The following SYNE1 variants were observed in gnomAD, a reference collection of about 807,000 sequenced individuals.
The protein encoded by SYNE1 is spectrin repeat containing nuclear envelope protein 1.
A neutral mutation model predicts 1,111.0 loss-of-function variants in SYNE1; 616 were observed. The ratio of observed to expected loss-of-function variants is 0.55; its 90% CI spans 0.52 to 0.59. The LOEUF (loss-of-function observed/expected upper bound fraction) is 0.59, where lower values mean the gene tolerates loss of function less well. Ranked by LOEUF, SYNE1 falls within the 20% of genes least tolerant of loss-of-function variation. SYNE1 has a pLI of 0.00. For missense variants in SYNE1, 10,006 were observed against 10,417.0 expected (o/e 0.96, Z 1.72); for synonymous variants, 3,855 against 3,825.8 (o/e 1.01, Z -0.28).
intron 98 of SYNE1, among the ~76,000 whole-genome samples, chr6:152,276,214 T>C (rs571616366): frequency 3.9e-5 from 6 of 152,052 alleles, no homozygotes; most frequent in African/African-American, 1.4e-4. Context: ...TTTGTATTTT[T>C]AGTAGAGATG....
intron 70 of SYNE1, 56 bp from the exon 71 acceptor site, chr6:152,350,826 AC>A: frequency 1.2e-6 from 2 of 1,602,050 alleles, no homozygotes; most frequent in Non-Finnish European, 1.7e-6. Context: ...CAAGATGAAT[AC>A]ATACATATTC....
chr6:152,275,697 T>C lies in SYNE1; in HGVS notation c.18573+2392A>G, dbSNP rs1328579575. On this transcript the variant is annotated intron_variant, in intron 98 of 145. Coordinates refer to ENST00000367255, the MANE Select transcript of SYNE1 (RefSeq NM_182961.4). ...GAGTTGAAGACCAGCCTGGGCAACA[T>C]TGAGAGACCTCCATCTCTACAAAAA... Among the ~76,000 whole-genome samples, 4 of 151,228 alleles carry C rather than the reference T, an allele frequency of 2.6e-5. 1 individual carries two copies. Among genetic ancestry groups the C allele is most frequent in the Admixed American group, 2.0e-4 (3 of 15,134 alleles).
At chr6:152,596,447 G>A (rs1403165167) in intron 3 of SYNE1, among the ~76,000 whole-genome samples, 1 of 151,842 alleles carries the variant, frequency 6.6e-6, no homozygotes, top group South Asian at 2.1e-4. Flanking sequence ...GTAGAGACAG[G>A]GTTTCACCAT....
intron 137 of SYNE1, chr6:152,147,688 C>T (rs889203554): frequency 2.7e-5 from 8 of 298,656 alleles, no homozygotes; most frequent in Non-Finnish European, 4.5e-5. Context: ...GCTTTGTCGC[C>T]CCTGCTTGTG....
chr6:152,351,266 G>T (rs12206330), intron 70 of SYNE1, among the ~76,000 whole-genome samples: 87,369 of 152,050 alleles, frequency 0.57, 25,258 homozygotes, highest in East Asian at 0.62. Context: ...ATTCTTATAT[G>T]GCCTCTTCAA....
Position 152,381,213 on chromosome 6 carries a change from T to C in SYNE1, c.8802A>G (p.Glu2934=). ...QALRADWKQW[E]DSVFQTQSCL... ...AGCTCTGCGTTTGGAATACACTGTC[T>C]TCCCACTGCTTCCAGTCGGCACGCA... The change falls in exon 56 of 146, where the codon GAA becomes GAG. Residue 2934 remains glutamate (E), a synonymous_variant. Coordinates refer to ENST00000367255, the MANE Select transcript of SYNE1 (RefSeq NM_182961.4). 4 of 1,614,238 alleles carry C rather than the reference T, an allele frequency of 2.5e-6. No homozygotes were observed. The highest frequency in any genetic ancestry group is 3.4e-6 in the Non-Finnish European group (4 of 1,180,046).
At position 152,393,150 on chromosome 6, in the gene SYNE1, T is replaced by C. The variant is rs1350267101; in HGVS notation, c.7713-1582A>G. Among the ~76,000 whole-genome samples, 4 of 152,188 alleles carry C rather than the reference T, an allele frequency of 2.6e-5. No individual in the cohort carries two copies. The East Asian group carries it at 7.7e-4, about 29-fold the overall frequency. On this transcript the variant is annotated intron_variant, in intron 51 of 145. Transcript: ENST00000367255. ...AACTGCAAGAAGGATTGCATGCTTA[T>C]CAATGCGAAAAAGTCGCAATTATTA...
chr6:152,427,559 T>G, intron 38 of SYNE1, 134 bp downstream of exon 38: 1 of 1,096,482 alleles, frequency 9.1e-7, no homozygotes, highest in Non-Finnish European at 1.3e-6. Flanking sequence ...CACCCTGATG[T>G]CAAATGATGC....
intron 104 of SYNE1, among the ~76,000 whole-genome samples, chr6:152,253,825 T>TTTTTG (rs2090083469): frequency 1.8e-5 from 1 of 56,062 alleles, no homozygotes; most frequent in Non-Finnish European, 3.0e-5. Flanking sequence ...TTGGTTTTTT[T>TTTTTG]TTTTTTTTTT....
chr6:152,619,603 A>C (rs912441558), intron 3 of SYNE1, among the ~76,000 whole-genome samples: 1 of 152,208 alleles, frequency 6.6e-6, no homozygotes, highest in Non-Finnish European at 1.5e-5. Context: ...GAACTTCCCC[A>C]AAACACAAGC....
chr6:152,517,831 C>T (rs958369818), intron 6 of SYNE1, among the ~76,000 whole-genome samples: 3 of 152,070 alleles, frequency 2.0e-5, no homozygotes, highest in Admixed American at 1.3e-4. Flanking sequence ...ACTAGAGAGA[C>T]TGGTTATCTA....
In SYNE1 at chr6:152,310,677, T is replaced by C; in HGVS notation, c.16896+11A>G. The C allele has an allele frequency of 6.2e-7, 1 of 1,611,792 alleles. No homozygotes were observed. The highest frequency in any genetic ancestry group is 1.1e-5 in the South Asian group (1 of 90,582). ...CATTTTTTTCTGTTTCTTTTTTTTT[T>C]CTTTTTTTACCTTAGCTGCATCTTG... On this transcript the variant is annotated intron_variant, in intron 88 of 145. Transcript: ENST00000367255.
rs573015238 is a variant in SYNE1, at chr6:152,625,807, G to A, written c.67+2458C>T. 1.1e-4 allele frequency among the ~76,000 whole-genome samples: 16 copies of A among 152,276 alleles called. No individual in the cohort carries two copies. The East Asian group carries it at 1.3e-3, about 13-fold the overall frequency. ...AAAAAATTGAACAAATTATCAGGCTGTGCCTTCTCATCCAGTTTTCTTCCA... is the reference window on the plus strand; with the variant it reads ...AAAAAATTGAACAAATTATCAGGCTATGCCTTCTCATCCAGTTTTCTTCCA... On this transcript the variant is annotated intron_variant, in intron 3 of 145. Transcript: ENST00000367255.
chr6:152,360,047 C>T (rs934628424), intron 64 of SYNE1, among the ~76,000 whole-genome samples: 15 of 152,228 alleles, frequency 9.9e-5, no homozygotes, highest in African/African-American at 3.6e-4. Flanking sequence ...CAGGCAGATT[C>T]CTGGCCACCA....
intron 66 of SYNE1, among the ~76,000 whole-genome samples, chr6:152,356,039 T>C (rs2096831397): frequency 6.6e-6 from 1 of 152,162 alleles, no homozygotes; most frequent in Admixed American, 6.5e-5. Context: ...ATAAACTTTA[T>C]TCTAAAATTC....
intron 41 of SYNE1, among the ~76,000 whole-genome samples, chr6:152,414,287 T>C (rs899675869): frequency 2.0e-4 from 30 of 152,184 alleles, no homozygotes; most frequent in African/African-American, 7.0e-4. Context: ...TACATGTGTA[T>C]AGTCTCAGCT....
chr6:152,166,606 T>G (rs2063705425), intron 130 of SYNE1, among the ~76,000 whole-genome samples: 1 of 152,164 alleles, frequency 6.6e-6, no homozygotes, highest in African/African-American at 2.4e-5. Context: ...GAGTTCCAAG[T>G]CAGAGTGGTT....
intron 3 of SYNE1, among the ~76,000 whole-genome samples, chr6:152,606,881 C>T (rs2099616468): frequency 6.6e-6 from 1 of 151,480 alleles, no homozygotes; most frequent in South Asian, 2.1e-4. Flanking sequence ...GTCTTGATCT[C>T]CTGACCTTGT....
intron 82 of SYNE1, 101 bp downstream of exon 82, chr6:152,323,377 T>C (rs2095940719): frequency 7.8e-6 from 12 of 1,541,348 alleles, no homozygotes; most frequent in African/African-American, 2.7e-5. Context: ...AGGCGGAGCT[T>C]GCAGTGAGCC....
Sources: allele counts gnomAD v4.1 joint callset (sites outside exome capture counted in the v4.1 genomes callset), GRCh38; gene constraint gnomAD v4.1.1; transcripts MANE v1.5; gene names NCBI Gene and HGNC (gene_info 2026-07-23, HGNC 2026-07-21).